SLC6A12: variants seen among roughly 807,000 people sequenced by gnomAD.
The protein encoded by SLC6A12 is sodium- and chloride-dependent betaine transporter.
SLC6A12 carries 50 observed loss-of-function variants against 73.3 expected under a neutral mutation model. The ratio of observed to expected loss-of-function variants is 0.68; its 90% CI spans 0.54 to 0.86. The LOEUF (loss-of-function observed/expected upper bound fraction) is 0.86, where lower values mean the gene tolerates loss of function less well. Among genes scored for constraint, SLC6A12 ranks in the 40% least tolerant of loss-of-function variants. SLC6A12 has a pLI of 0.00. For missense variants in SLC6A12, 648 were observed against 772.8 expected, an observed-to-expected ratio of 0.84 and a Z score of 1.92; for synonymous variants, 304 against 309.2, an observed-to-expected ratio of 0.98 and a Z score of 0.18.
intron 4 of SLC6A12, among the ~76,000 whole-genome samples, 174 bp from the exon 5 acceptor site, chr12:203,054 CTTTTCTTT>C (rs1940368892): frequency 9.9e-6 from 1 of 101,012 alleles, no homozygotes; most frequent in Admixed American, 1.1e-4. Flanking sequence ...TTTCTTTTTT[CTTTTCTTT>C]TTTTTTTTTT....
chr12:191,416 A>T (rs1442501844), intron 15 of SLC6A12, among the ~76,000 whole-genome samples: 1 of 152,222 alleles, frequency 6.6e-6, no homozygotes, highest in Non-Finnish European at 1.5e-5. Flanking sequence ...CCTGGGTTCC[A>T]GTCCTGGCTC....
At chr12:197,102 C>A (rs55740490) in intron 10 of SLC6A12, among the ~76,000 whole-genome samples, 3 of 92,138 alleles carry the variant, frequency 3.3e-5, no homozygotes, top group East Asian at 3.4e-4. Context: ...TCCATCCATC[C>A]ATCCATCCAT....
downstream of SLC6A12, among the ~76,000 whole-genome samples, chr12:187,117 C>T (rs1939445121): frequency 6.6e-6 from 1 of 152,194 alleles, no homozygotes. Context: ...GCTTCTGCTG[C>T]AAAAATCAAT....
intron 15 of SLC6A12, among the ~76,000 whole-genome samples, chr12:191,589 A>ATTG (rs1013526111): frequency 1.1e-5 from 1 of 91,104 alleles, no homozygotes; most frequent in African/African-American, 4.6e-5. Flanking sequence ...TATTGTCATT[A>ATTG]TTGTTATTAC....
intron 13 of SLC6A12, among the ~76,000 whole-genome samples, chr12:194,319 A>G (rs1179080748): frequency 2.6e-5 from 4 of 152,262 alleles, no homozygotes; most frequent in Non-Finnish European, 5.9e-5. Flanking sequence ...AGGAAAGGAC[A>G]CAAGTGGGAA....
rs1452488478 is a variant in SLC6A12, at chr12:190,637, A to C, written c.*431T>G. On this transcript the variant is annotated 3_prime_UTR_variant, in exon 16 of 16. Transcript: ENST00000684302. Reference sequence around the variant, plus strand: ...AGTGTGTTCAGTTGTCACTTCCAACAGGGTATTGTCCCATCAGGCTCTCCA... The same window carrying C: ...AGTGTGTTCAGTTGTCACTTCCAACCGGGTATTGTCCCATCAGGCTCTCCA... 2.0e-5 allele frequency: 3 copies of C among 153,282 alleles called. No individual in the cohort carries two copies. The highest frequency in any genetic ancestry group is 4.8e-5 in the African/African-American group (2 of 41,432). 9.5% of individuals were successfully genotyped at this position (153,282 alleles called of 1,614,324 possible). A position where few individuals can be genotyped will look rare whatever the true frequency, so the allele number is the denominator to read the frequency against.
chr12:212,346 T>C (rs992845110), intron 1 of SLC6A12, among the ~76,000 whole-genome samples: 5 of 150,670 alleles, frequency 3.3e-5, no homozygotes, highest in Non-Finnish European at 5.9e-5. Flanking sequence ...GCTGGGAGAG[T>C]GGAGGCTTGC....
intron 3 of SLC6A12, among the ~76,000 whole-genome samples, chr12:206,482 A>G (rs2087289540): frequency 6.6e-6 from 1 of 152,194 alleles, no homozygotes; most frequent in East Asian, 1.9e-4. Context: ...TCATCTGTTC[A>G]TGGATATTTT....
At chr12:188,238 A>G (rs1223030296), downstream of SLC6A12, among the ~76,000 whole-genome samples, 1 of 152,194 alleles carries the variant, frequency 6.6e-6, no homozygotes, top group Non-Finnish European at 1.5e-5. Flanking sequence ...AGGCATGGCG[A>G]GCTGCAGGTT....
At chr12:196,952 T>G in intron 10 of SLC6A12, 70 bp from the exon 11 acceptor site, 1 of 1,042,978 alleles carries the variant, frequency 9.6e-7, no homozygotes, top group Non-Finnish European at 1.5e-6. Flanking sequence ...GGCGTCTCTC[T>G]AAGCACTGTG....
chr12:204,287 C>A, intron 4 of SLC6A12: 1 of 421,208 alleles, frequency 2.4e-6, no homozygotes, highest in Admixed American at 3.6e-5. Context: ...CGCTTCTGCC[C>A]CTGCAGGGGT....
intron 7 of SLC6A12, among the ~76,000 whole-genome samples, chr12:200,190 G>A (rs1285226977): frequency 2.1e-5 from 3 of 144,428 alleles, no homozygotes; most frequent in Non-Finnish European, 3.0e-5. Context: ...CTCACTGCAA[G>A]CTCCGCCTCC....
intron 2 of SLC6A12, chr12:211,284 A>C (rs1024016656): frequency 1.3e-5 from 2 of 152,278 alleles, no homozygotes; most frequent in African/African-American, 4.8e-5. Flanking sequence ...GCCCAAGCCC[A>C]AGTCAGTTAG....
chr12:193,407 G>A, intron 13 of SLC6A12, 30 bp from the exon 14 acceptor site: 2 of 1,537,336 alleles, frequency 1.3e-6, no homozygotes, highest in South Asian at 2.2e-5. Context: ...GAGAGTGTGA[G>A]AGCCAGAGGG....
At chr12:201,397 C>A in intron 6 of SLC6A12, 1 of 248,742 alleles carries the variant, frequency 4.0e-6, no homozygotes, top group Non-Finnish European at 7.9e-6. Context: ...TGGGCAATTT[C>A]AAGCTACTGG....
At chr12:210,336 C>A (rs1375090423) in intron 2 of SLC6A12, 9 of 1,158,252 alleles carry the variant, frequency 7.8e-6, no homozygotes, top group Non-Finnish European at 9.7e-6. Flanking sequence ...CCCTTTTTAT[C>A]TGTACAGCTC....
chr12:206,862 G>A (rs913183168), intron 3 of SLC6A12, among the ~76,000 whole-genome samples: 5 of 152,258 alleles, frequency 3.3e-5, no homozygotes, highest in East Asian at 1.9e-4. Context: ...CTGTCAGGGC[G>A]TGTGGCCCAC....
chr12:187,594 A>AGC (rs1939455243), downstream of SLC6A12, among the ~76,000 whole-genome samples: 2 of 5,374 alleles, frequency 3.7e-4, no homozygotes, highest in African/African-American at 5.4e-4. Flanking sequence ...AAGAGCAAAA[A>AGC]AAAAAAAAAA....
downstream of SLC6A12, among the ~76,000 whole-genome samples, chr12:187,613 AAAAAAAAAAAAAAAAAAACAAAC>A (rs1939457676): frequency 3.8e-4 from 6 of 15,600 alleles, no homozygotes; most frequent in African/African-American, 5.9e-4. Context: ...AAAAAAAAAA[AAAAAAAAAAAAAAAAAAACAAAC>A]CACACACACA....
Sources: allele counts gnomAD v4.1 joint callset (sites outside exome capture counted in the v4.1 genomes callset), GRCh38; gene constraint gnomAD v4.1.1; transcripts MANE v1.5; gene names NCBI Gene and HGNC (gene_info 2026-07-23, HGNC 2026-07-21).